HIVEP2: variants seen among roughly 807,000 people sequenced by gnomAD.
HIVEP2 encodes transcription factor HIVEP2.
A neutral mutation model predicts 180.7 loss-of-function variants in HIVEP2; 14 were observed. The ratio of observed to expected loss-of-function variants is 0.08; its 90% CI spans 0.05 to 0.12. The LOEUF is 0.12. Ranked by LOEUF, HIVEP2 falls within the 10% of genes least tolerant of loss-of-function variation. The pLI is 1.00. For synonymous variants in HIVEP2, 1,184 were observed against 1,136.4 expected, an observed-to-expected ratio of 1.04 and a Z score of -0.84; for missense variants, 2,579 against 3,008.5, an observed-to-expected ratio of 0.86 and a Z score of 3.34.
intron 2 of HIVEP2, among the ~76,000 whole-genome samples, chr6:142,793,607 C>T (rs1246161132): frequency 6.9e-6 from 1 of 144,206 alleles, no homozygotes; most frequent in South Asian, 2.2e-4. Context: ...CCCCTCCCAC[C>T]TCCCATCCTT....
intron 1 of HIVEP2, among the ~76,000 whole-genome samples, chr6:142,848,722 C>CA (rs199930851): frequency 0.39 from 57,830 of 146,602 alleles, 12,035 homozygotes; most frequent in Non-Finnish European, 0.49. Flanking sequence ...AACACTGTCT[C>CA]AAAAAAAAAA....
intron 7 of HIVEP2, among the ~76,000 whole-genome samples, chr6:142,764,094 T>G (rs554563524): frequency 6.6e-6 from 1 of 152,316 alleles, no homozygotes; most frequent in South Asian, 2.1e-4. Flanking sequence ...CACTACTGTT[T>G]GTATTCTGAG....
chr6:142,765,109 G>A (rs1357304807), intron 6 of HIVEP2, 135 bp from the exon 7 acceptor site: 6 of 734,722 alleles, frequency 8.2e-6, no homozygotes, highest in East Asian at 2.8e-5. Flanking sequence ...TTACTTCTAC[G>A]AAGCCTGTGA....
intron 3 of HIVEP2, 37 bp from the exon 4 acceptor site, chr6:142,776,228 C>G (rs923863049): frequency 6.6e-6 from 1 of 152,552 alleles, no homozygotes; most frequent in African/African-American, 2.4e-5. Context: ...GAAAATTGTT[C>G]CATTAAACCT....
intron 1 of HIVEP2, among the ~76,000 whole-genome samples, chr6:142,880,017 A>C (rs1776543610): frequency 6.6e-6 from 1 of 152,156 alleles, no homozygotes; most frequent in Admixed American, 6.6e-5. Flanking sequence ...ATTTCAGTGA[A>C]TGAAATTGAT....
chr6:142,888,120 G>A (rs1000455416), intron 1 of HIVEP2, among the ~76,000 whole-genome samples: 3 of 151,992 alleles, frequency 2.0e-5, no homozygotes, highest in South Asian at 2.1e-4. Flanking sequence ...ACTATCCTAC[G>A]CCCAGTCAAG....
chr6:142,932,880 CTT>C (rs1179517757), intron 1 of HIVEP2, among the ~76,000 whole-genome samples: 1 of 152,192 alleles, frequency 6.6e-6, no homozygotes, highest in Non-Finnish European at 1.5e-5. Context: ...CTGTAAGAAA[CTT>C]TACATTGCAG....
intron 1 of HIVEP2, among the ~76,000 whole-genome samples, chr6:142,914,054 A>AGTG (rs1452766913): frequency 6.6e-6 from 1 of 151,912 alleles, no homozygotes; most frequent in Non-Finnish European, 1.5e-5. Flanking sequence ...CAGTCATAGT[A>AGTG]CTGGGGATGG....
At chr6:142,859,945 T>G (rs771495865) in intron 1 of HIVEP2, among the ~76,000 whole-genome samples, 5 of 151,374 alleles carry the variant, frequency 3.3e-5, no homozygotes, top group Non-Finnish European at 7.4e-5. Context: ...TGAGGTAATA[T>G]CCTTTGAAAG....
At chr6:142,769,457 TGTA>T in intron 5 of HIVEP2, 92 bp downstream of exon 5, 1 of 1,132,038 alleles carries the variant, frequency 8.8e-7, no homozygotes, top group African/African-American at 1.6e-5. Context: ...TCATTTTACT[TGTA>T]TTTTTTTTTT....
At chr6:142,944,388 A>G (rs1778255233) in intron 1 of HIVEP2, among the ~76,000 whole-genome samples, 1 of 132,456 alleles carries the variant, frequency 7.5e-6, no homozygotes, top group Non-Finnish European at 1.6e-5. Flanking sequence ...AATACGACAG[A>G]CCCCACACAT....
chr6:142,753,067 A>C lies in HIVEP2; in HGVS notation c.*40T>G. On this transcript the variant is annotated 3_prime_UTR_variant, in exon 10 of 10. Transcript: ENST00000367603. ...TTTCTAGAAAAACAAAAACAAAAAA[A>C]TGGGAAAATGTGGAAATGAAAGTCT... is the stretch of plus-strand genomic sequence containing the variant. 7.8e-7 allele frequency: 1 copy of C among 1,288,234 alleles called. No homozygotes were observed. Among genetic ancestry groups the C allele is most frequent in the Non-Finnish European group, 1.1e-6 (1 of 887,200 alleles). The allele number at this position is 1,288,234 out of a possible 1,614,324, so 79.8% of individuals were successfully genotyped here.
intron 2 of HIVEP2, among the ~76,000 whole-genome samples, chr6:142,804,815 A>C (rs1776506551): frequency 6.6e-6 from 1 of 152,128 alleles, no homozygotes; most frequent in Non-Finnish European, 1.5e-5. Flanking sequence ...AATGTGCTTG[A>C]GATTATAAGG....
At chr6:142,763,259 A>C (rs188688976) in intron 7 of HIVEP2, among the ~76,000 whole-genome samples, 1 of 152,176 alleles carries the variant, frequency 6.6e-6, no homozygotes, top group African/African-American at 2.4e-5. Flanking sequence ...AGAGGGAAGG[A>C]GAGTGGCGGG....
chr6:142,920,296 G>A (rs1401199737), intron 1 of HIVEP2, among the ~76,000 whole-genome samples: 1 of 152,068 alleles, frequency 6.6e-6, no homozygotes, highest in Non-Finnish European at 1.5e-5. Flanking sequence ...TTGTATCTCC[G>A]AAGTCCTGGC....
intron 2 of HIVEP2, among the ~76,000 whole-genome samples, chr6:142,830,312 GC>G (rs1368815039): frequency 1.3e-5 from 2 of 152,144 alleles, no homozygotes; most frequent in Non-Finnish European, 2.9e-5. Context: ...GTTCCAGCCT[GC>G]CAAAAAATGT....
chr6:142,875,357 C>T (rs1014257684), intron 1 of HIVEP2, among the ~76,000 whole-genome samples: 2 of 152,102 alleles, frequency 1.3e-5, no homozygotes, highest in African/African-American at 4.8e-5. Flanking sequence ...GGAAAATGAG[C>T]CCAGAGAAGC....
intron 1 of HIVEP2, among the ~76,000 whole-genome samples, chr6:142,924,954 T>C (rs566848575): frequency 5.0e-4 from 76 of 152,312 alleles, no homozygotes; most frequent in African/African-American, 1.7e-3. Context: ...CCTATAATAC[T>C]ACTACTAAAT....
chr6:142,842,865 A>G (rs1053164688), intron 1 of HIVEP2, among the ~76,000 whole-genome samples: 9 of 152,194 alleles, frequency 5.9e-5, no homozygotes, highest in African/African-American at 2.2e-4. Context: ...TTGAATCAGA[A>G]TACAAATACA....
Sources: gnomAD v4.1 joint callset for allele counts (sites outside exome capture counted in the v4.1 genomes callset) on GRCh38, gnomAD v4.1.1 for gene constraint, MANE v1.5 for transcripts, NCBI Gene and HGNC (gene_info 2026-07-23, HGNC 2026-07-21) for gene names.